The following JCAD variants were observed in gnomAD, a reference collection of about 807,000 sequenced individuals.
JCAD encodes the protein junctional cadherin 5-associated protein.
JCAD carries 40 observed loss-of-function variants against 98.0 expected under a neutral mutation model. The ratio of observed to expected loss-of-function variants is 0.41; its 90% CI spans 0.32 to 0.53. JCAD has a LOEUF of 0.53. Among genes scored for constraint, JCAD ranks in the 20% least tolerant of loss-of-function variants. The pLI is 0.31. For synonymous variants in JCAD, 691 were observed against 682.3 expected (o/e 1.01, Z -0.20); for missense variants, 1,705 against 1,738.1 (o/e 0.98, Z 0.34).
At chr10:30,077,579 A>G (rs1323553625) in intron 1 of JCAD, among the ~76,000 whole-genome samples, 1 of 152,214 alleles carries the variant, frequency 6.6e-6, no homozygotes, top group Non-Finnish European at 1.5e-5. Flanking sequence ...TCATTAAGCA[A>G]TAACTCCCCA....
rs1836812522 is a variant in JCAD, at chr10:30,026,686, G to A, written c.3462C>T (p.Thr1154=). Residue 1154 remains threonine, a synonymous_variant, in exon 3 of 4, where the codon ACC becomes ACT. Transcript: ENST00000375377. ...AFYGRRKCGW[T]KSPLFVGDRD... is the part of the protein sequence containing the mutation. ...TGTCCCCTACAAAGAGAGGGCTCTT[G>A]GTCCAGCCGCACTTCCTCCTGCCAT... 1 of 1,613,424 alleles carries A rather than the reference G, an allele frequency of 6.2e-7. No individual in the cohort carries two copies. Among genetic ancestry groups the A allele is most frequent in the Non-Finnish European group, 8.5e-7 (1 of 1,180,018 alleles).
chr10:30,047,897 T>C (rs1837386942), intron 1 of JCAD, 26 bp from the exon 2 acceptor site: 2 of 1,428,046 alleles, frequency 1.4e-6, no homozygotes, highest in Middle Eastern at 1.9e-4. Flanking sequence ...GAGCTCTATT[T>C]GTGACTAGGT....
rs748461477 is a variant in JCAD at position 30,029,353 on chromosome 10, G to A, written c.795C>T (p.Cys265=). Residue 265 remains cysteine, a synonymous_variant, in exon 3 of 4, where the codon TGC becomes TGT. Transcript: ENST00000375377. ...TCCTCGTGGAGTCCAAATTTGGTGC[G>A]CAAGTGGGAGGATACGGTGGCATTT... is the stretch of plus-strand genomic sequence containing the variant. ...SPKMPPYPPT[C]APNLDSTRNS... The A allele has an allele frequency of 3.1e-5, 50 of 1,614,122 alleles. No homozygotes were observed. Among genetic ancestry groups the A allele is most frequent in the African/African-American group, 1.2e-4 (9 of 75,026 alleles).
chr10:30,068,206 T>G (rs913646347), intron 2 of JCAD, among the ~76,000 whole-genome samples: 3 of 151,864 alleles, frequency 2.0e-5, no homozygotes, highest in African/African-American at 7.3e-5. Flanking sequence ...CTGGCCAACA[T>G]GGCAAAACCC....
chr10:30,066,570 G>A (rs965124344), intron 2 of JCAD, among the ~76,000 whole-genome samples: 5 of 152,092 alleles, frequency 3.3e-5, no homozygotes, highest in South Asian at 2.1e-4. Flanking sequence ...CGCTGGTACC[G>A]GGGGGATGCC....
At chr10:30,099,093 A>G (rs530537987) in intron 1 of JCAD, among the ~76,000 whole-genome samples, 2 of 152,322 alleles carry the variant, frequency 1.3e-5, no homozygotes, top group East Asian at 3.9e-4. Context: ...TATTTTTTCC[A>G]TAGACTTTCT....
chr10:30,103,727 A>ATT (rs1320217393), intron 1 of JCAD, among the ~76,000 whole-genome samples: 1 of 133,336 alleles, frequency 7.5e-6, no homozygotes, highest in Admixed American at 7.7e-5. Flanking sequence ...TAGTGAGTCA[A>ATT]TTTTTCTTTT....
intron 1 of JCAD, among the ~76,000 whole-genome samples, chr10:30,111,872 T>C (rs963825349): frequency 6.6e-6 from 1 of 152,180 alleles, no homozygotes; most frequent in Admixed American, 6.6e-5. Flanking sequence ...GAATGTGAAA[T>C]AGTGCAGCTG....
intron 3 of JCAD, among the ~76,000 whole-genome samples, chr10:30,024,572 C>A (rs1402662445): frequency 6.6e-6 from 1 of 152,084 alleles, no homozygotes; most frequent in Non-Finnish European, 1.5e-5. Context: ...TCCAACGGGG[C>A]CCCGACGAAG....
chr10:30,070,801 T>G (rs1433711926), intron 1 of JCAD, among the ~76,000 whole-genome samples: 5 of 152,250 alleles, frequency 3.3e-5, no homozygotes, highest in African/African-American at 4.8e-5. Context: ...GGGCTACCTA[T>G]TTATTTTCCA....
rs373900919 is a variant in JCAD, at chr10:30,029,780, G to T, written c.368C>A (p.Ala123Asp). 3.4e-5 allele frequency: 55 copies of T among 1,614,226 alleles called. No homozygotes were observed. The highest frequency in any genetic ancestry group is 4.6e-5 in the Non-Finnish European group (54 of 1,180,048). Reference sequence around the variant, plus strand: ...GTGCTCCCTCGGCTTCTGGCTCCTGGCTTCTTGCCGTCCTCTTCTCCGGTA... The same window carrying T: ...GTGCTCCCTCGGCTTCTGGCTCCTGTCTTCTTGCCGTCCTCTTCTCCGGTA... ...QAYRRRGRQE[A>D]RSQKPREHEN... Residue 123 changes from alanine to aspartate, a missense_variant, in exon 3 of 4, where the codon GCC (alanine) becomes GAC (aspartate). Ala to Asp is a moderately radical substitution (Grantham distance 126). Transcript: ENST00000375377.
intron 1 of JCAD, among the ~76,000 whole-genome samples, chr10:30,090,697 A>G (rs930793069): frequency 6.6e-6 from 1 of 152,110 alleles, no homozygotes; most frequent in Non-Finnish European, 1.5e-5. Flanking sequence ...GACCCTAAAA[A>G]CTGAAAACCA....
intron 2 of JCAD, among the ~76,000 whole-genome samples, chr10:30,044,207 C>T (rs1453731050): frequency 6.6e-6 from 1 of 152,118 alleles, no homozygotes; most frequent in African/African-American, 2.4e-5. Flanking sequence ...CATAAATTAC[C>T]CAGCCTGTTA....
At chr10:30,112,217 T>C (rs1384166692) in intron 1 of JCAD, among the ~76,000 whole-genome samples, 1 of 152,192 alleles carries the variant, frequency 6.6e-6, no homozygotes, top group Non-Finnish European at 1.5e-5. Context: ...CTCACACCTA[T>C]AATCCCAGCA....
At chr10:30,074,679 T>C (rs1235222077) in intron 1 of JCAD, among the ~76,000 whole-genome samples, 1 of 152,234 alleles carries the variant, frequency 6.6e-6, no homozygotes, top group Non-Finnish European at 1.5e-5. Flanking sequence ...TGGGTAGTGG[T>C]AAAGGAGACC....
intron 1 of JCAD, among the ~76,000 whole-genome samples, chr10:30,086,373 A>G (rs1490244936): frequency 6.6e-6 from 1 of 152,204 alleles, no homozygotes; most frequent in Non-Finnish European, 1.5e-5. Context: ...AGAAGCTACT[A>G]CTGAGTTTTA....
At chr10:30,065,377 T>C (rs939727218) in intron 2 of JCAD, among the ~76,000 whole-genome samples, 2 of 152,200 alleles carry the variant, frequency 1.3e-5, no homozygotes, top group Non-Finnish European at 1.5e-5. Context: ...ATCTAATATG[T>C]ATTAAATAAA....
chr10:30,114,738 T>TATCTTGTCTTA (rs1183121696), intron 1 of JCAD, among the ~76,000 whole-genome samples: 1 of 152,092 alleles, frequency 6.6e-6, no homozygotes, highest in Non-Finnish European at 1.5e-5. Context: ...GACAAGTCTC[T>TATCTTGTCTTA]AATGATGTAT....
chr10:30,036,914 A>G (rs1589687054), intron 2 of JCAD, among the ~76,000 whole-genome samples: 1 of 152,166 alleles, frequency 6.6e-6, no homozygotes, highest in East Asian at 1.9e-4. Flanking sequence ...CCCTAGTGTC[A>G]TGTTCTAGAC....
Sources: allele counts gnomAD v4.1 joint callset (sites outside exome capture counted in the v4.1 genomes callset), GRCh38; gene constraint gnomAD v4.1.1; transcripts MANE v1.5; gene names NCBI Gene and HGNC (gene_info 2026-07-23, HGNC 2026-07-21).